Variants in COA1 observed in about 807,000 individuals in gnomAD.
COA1 encodes cytochrome c oxidase assembly factor 1 homolog.
COA1 carries 13 observed loss-of-function variants against 16.0 expected under a neutral mutation model. That is an observed-to-expected ratio of 0.81 (90% confidence interval 0.53 to 1.29). The LOEUF (loss-of-function observed/expected upper bound fraction) is 1.29. Among genes scored for constraint, COA1 ranks in the 50% most tolerant of loss-of-function variants. The pLI, the probability that COA1 is intolerant of heterozygous loss-of-function variation, is 0.00. For synonymous variants in COA1, 65 were observed against 65.7 expected (o/e 0.99, Z 0.05); for missense variants, 179 against 177.0 (o/e 1.01, Z -0.06).
intron 1 of COA1, among the ~76,000 whole-genome samples, chr7:43,660,786 G>T (rs2092344794): frequency 6.6e-6 from 1 of 152,072 alleles, no homozygotes; most frequent in Non-Finnish European, 1.5e-5. Context: ...TCAACCAAGG[G>T]GTTATCAAGA....
At chr7:43,664,130 A>AGAGAGAGAGAGAGAGT (rs1307866265) in intron 1 of COA1, among the ~76,000 whole-genome samples, 23 of 148,618 alleles carry the variant, frequency 1.5e-4, no homozygotes, top group African/African-American at 5.4e-4. Flanking sequence ...AGAGAGAGAG[A>AGAGAGAGAGAGAGAGT]GTCTTGCTAT....
intron 1 of COA1, among the ~76,000 whole-genome samples, chr7:43,662,232 A>G (rs1012967469): frequency 6.6e-6 from 1 of 151,970 alleles, no homozygotes; most frequent in Non-Finnish European, 1.5e-5. Context: ...ATTTTCATAT[A>G]TTTCTTTTTT....
In COA1 at chr7:43,648,596, T is replaced by C. The variant is rs774660320; in HGVS notation, c.15+4A>G. 1.9e-6 allele frequency: 3 copies of C among 1,614,158 alleles called. No homozygotes were observed. Among genetic ancestry groups the C allele is most frequent in the South Asian group, 2.2e-5 (2 of 91,086 alleles). ...GGGAACTTGGCCCTGGAACATTCCATTACCTTTTGCCACATCATAGCACAA... is the reference window on the plus strand; with the variant it reads ...GGGAACTTGGCCCTGGAACATTCCACTACCTTTTGCCACATCATAGCACAA... On this transcript the variant is annotated splice_donor_region_variant and intron_variant, in intron 2 of 5. Transcript: ENST00000223336.
At chr7:43,638,495 T>C (rs1020362110), downstream of COA1, among the ~76,000 whole-genome samples, 2 of 152,160 alleles carry the variant, frequency 1.3e-5, no homozygotes, top group East Asian at 1.9e-4. Flanking sequence ...GTTAAGTTGT[T>C]TGGAAAGCAG....
intron 1 of COA1, among the ~76,000 whole-genome samples, chr7:43,682,614 T>G (rs1454845404): frequency 6.6e-6 from 1 of 152,220 alleles, no homozygotes; most frequent in Non-Finnish European, 1.5e-5. Context: ...ATATAAACAC[T>G]GATTTCTTCT....
intron 1 of COA1, among the ~76,000 whole-genome samples, chr7:43,690,694 T>C (rs1220661180): frequency 2.0e-5 from 3 of 151,084 alleles, no homozygotes; most frequent in Non-Finnish European, 4.4e-5. Flanking sequence ...GAAAAATAAA[T>C]TAAAAAAAAA....
intron 1 of COA1, among the ~76,000 whole-genome samples, chr7:43,712,432 C>T (rs1030889389): frequency 2.0e-5 from 3 of 152,072 alleles, no homozygotes; most frequent in African/African-American, 4.8e-5. Context: ...ATTTTGAAGG[C>T]GGCATTGCTT....
At chr7:43,703,666 CTGTTT>C (rs1401479141) in intron 1 of COA1, among the ~76,000 whole-genome samples, 2 of 152,070 alleles carry the variant, frequency 1.3e-5, no homozygotes, top group African/African-American at 4.8e-5. Context: ...AATCCCTGCT[CTGTTT>C]TGTTTGTTTT....
chr7:43,655,833 G>T (rs1376699213), intron 1 of COA1, among the ~76,000 whole-genome samples: 1 of 152,186 alleles, frequency 6.6e-6, no homozygotes, highest in Non-Finnish European at 1.5e-5. Flanking sequence ...TCCACTTTAA[G>T]GAGGCTTGGC....
chr7:43,687,415 TGA>T (rs1411747144), intron 1 of COA1, among the ~76,000 whole-genome samples: 1 of 152,182 alleles, frequency 6.6e-6, no homozygotes, highest in Admixed American at 6.5e-5. Flanking sequence ...ATATTTGTCC[TGA>T]GAGAGAAAGA....
rs536450930 is a variant in COA1, at chr7:43,690,497, G to A, written c.-39+38932C>T. Among the ~76,000 whole-genome samples, 21 of 151,808 alleles carry A rather than the reference G, an allele frequency of 1.4e-4. No homozygotes were observed. The East Asian group carries it at 3.7e-3, about 27-fold the overall frequency. On this transcript the variant is annotated intron_variant, in intron 1 of 5. Transcript: ENST00000223336. ...TACACACATACATATATACACCATG[G>A]AATACTACTCAGCCATAAAAATGAA...
At chr7:43,700,825 A>G (rs1191709193) in intron 1 of COA1, among the ~76,000 whole-genome samples, 1 of 152,136 alleles carries the variant, frequency 6.6e-6, no homozygotes, top group Admixed American at 6.5e-5. Context: ...GTGCTCTGTA[A>G]AGAAGTAGGT....
intron 6 of COA1, among the ~76,000 whole-genome samples, chr7:43,615,207 A>T (rs960466221): frequency 3.3e-5 from 5 of 152,162 alleles, no homozygotes; most frequent in Admixed American, 6.5e-5. Flanking sequence ...ATAGGGTCGT[A>T]TTCTGTTACC....
At position 43,639,673 on chromosome 7, in the gene COA1, A is replaced by T. The variant is rs1584151342; in HGVS notation, c.350T>A (p.Leu117His). ...SRGGPFQRWH[L>H]DEVFLELKDG... ...CTTGAGCTCTAAAAAGACCTCGTCA[A>T]GGTGCCACCTGAGAGAAACCAAAAG... is the stretch of plus-strand genomic sequence containing the variant. The change falls in exon 6 of 6, where the codon CTT (leucine) becomes CAT (histidine). Residue 117 changes from leucine (L) to histidine (H), a missense_variant. Transcript: ENST00000223336. 6.2e-7 allele frequency: 1 copy of T among 1,613,682 alleles called. No individual in the cohort carries two copies. Among genetic ancestry groups the T allele is most frequent in the Admixed American group, 1.7e-5 (1 of 60,010 alleles).
At chr7:43,705,057 C>T (rs984676789) in intron 1 of COA1, among the ~76,000 whole-genome samples, 2 of 152,194 alleles carry the variant, frequency 1.3e-5, no homozygotes, top group Admixed American at 6.5e-5. Context: ...ATTGTGGATG[C>T]TTTCAGGAGG....
At chr7:43,673,245 T>C (rs1004211114) in intron 1 of COA1, among the ~76,000 whole-genome samples, 2 of 152,190 alleles carry the variant, frequency 1.3e-5, no homozygotes, top group Admixed American at 1.3e-4. Context: ...AGAAAATATG[T>C]GCAAATTATG....
At chr7:43,656,878 G>A (rs1225028816) in intron 1 of COA1, among the ~76,000 whole-genome samples, 1 of 151,804 alleles carries the variant, frequency 6.6e-6, no homozygotes, top group African/African-American at 2.4e-5. Context: ...TCGCTTTCCA[G>A]TTTTAGCAAA....
At chr7:43,700,365 A>T (rs2094679771) in intron 1 of COA1, among the ~76,000 whole-genome samples, 2 of 152,158 alleles carry the variant, frequency 1.3e-5, no homozygotes, top group African/African-American at 4.8e-5. Context: ...TTCTATAACA[A>T]AAGAACAAAA....
downstream of COA1, among the ~76,000 whole-genome samples, chr7:43,634,534 C>T (rs1353491543): frequency 6.6e-6 from 1 of 152,206 alleles, no homozygotes; most frequent in Non-Finnish European, 1.5e-5. Context: ...ATGGCCTCCA[C>T]TGACACTATG....
Sources: allele counts gnomAD v4.1 joint callset (sites outside exome capture counted in the v4.1 genomes callset), GRCh38; gene constraint gnomAD v4.1.1; transcripts MANE v1.5; gene names NCBI Gene and HGNC (gene_info 2026-07-23, HGNC 2026-07-21).